Variants in GJA3 observed in about 807,000 individuals in gnomAD.
GJA3 encodes gap junction alpha-3 protein.
For missense variants in GJA3, 571 were observed against 620.3 expected, an observed-to-expected ratio of 0.92 and a Z score of 0.84; for synonymous variants, 297 against 292.6, an observed-to-expected ratio of 1.02 and a Z score of -0.15.
At chr13:20,149,853 T>TG (rs1476912912) in intron 1 of GJA3, among the ~76,000 whole-genome samples, 1 of 152,198 alleles carries the variant, frequency 6.6e-6, no homozygotes, top group Admixed American at 6.5e-5. Flanking sequence ...AATAAACACT[T>TG]GCAGGACAGA....
At chr13:20,149,923 T>C (rs1958866819) in intron 1 of GJA3, among the ~76,000 whole-genome samples, 1 of 152,080 alleles carries the variant, frequency 6.6e-6, no homozygotes, top group Non-Finnish European at 1.5e-5. Context: ...CTGGAAGTGC[T>C]CTTCACGAAT....
In GJA3 at chr13:20,142,197, G is replaced by A. The variant is rs1027325918; in HGVS notation, c.1092C>T (p.His364=). The part of the protein sequence containing the change: ...PVGSSSPPLA[H]EAEAGAAPLL... ...GGGGCGCCGCGCCCGCCTCAGCCTC[G>A]TGCGCGAGTGGCGGGGAGCTGCTGC... Residue 364 remains histidine, a synonymous_variant, in exon 2 of 2, where the codon CAC becomes CAT. Transcript: ENST00000241125. 7.2e-6 allele frequency: 11 copies of A among 1,519,924 alleles called. No individual in the cohort carries two copies. Among genetic ancestry groups the A allele is most frequent in the African/African-American group, 5.6e-5 (4 of 70,862 alleles). The allele number at this position is 1,519,924 out of a possible 1,614,324, so 94.2% of individuals were successfully genotyped here.
At chr13:20,144,195 C>G (rs1260487063) in intron 1 of GJA3, among the ~76,000 whole-genome samples, 1 of 152,220 alleles carries the variant, frequency 6.6e-6, no homozygotes, top group Admixed American at 6.5e-5. Context: ...CCTGAAATCA[C>G]CTCACCTGAC....
At position 20,141,093 on chromosome 13, in the gene GJA3, T is replaced by C. The variant is rs1958804164; in HGVS notation, c.*888A>G. On this transcript the variant is annotated 3_prime_UTR_variant, in exon 2 of 2. Coordinates refer to ENST00000241125, the MANE Select transcript of GJA3 (RefSeq NM_021954.4). ...GCATTAGGGCAAATTAGCACTGTCT[T>C]GGTCAGCAATCATTCTAACAGTATT... The C allele has an allele frequency of 6.6e-6, 1 of 152,254 alleles. No homozygotes were observed. The highest frequency in any genetic ancestry group is 1.5e-5 in the Non-Finnish European group (1 of 68,040). The allele number at this position is 152,254 out of a possible 1,614,324, so 9.4% of individuals were successfully genotyped here. A position where few individuals can be genotyped will look rare whatever the true frequency, so the allele number is the denominator to read the frequency against.
At chr13:20,161,357 G>T (rs1036602708), upstream of GJA3, among the ~76,000 whole-genome samples, 1 of 152,072 alleles carries the variant, frequency 6.6e-6, no homozygotes, top group Admixed American at 6.5e-5. Context: ...GAGGAGAGCC[G>T]AGGGCTGTTG....
chr13:20,148,038 A>G (rs1216532678), intron 1 of GJA3, among the ~76,000 whole-genome samples: 1 of 152,180 alleles, frequency 6.6e-6, no homozygotes, highest in Non-Finnish European at 1.5e-5. Flanking sequence ...TACACTTCAC[A>G]GTTTGGGTTT....
At chr13:20,161,285 G>A (rs1296972157), upstream of GJA3, among the ~76,000 whole-genome samples, 1 of 152,174 alleles carries the variant, frequency 6.6e-6, no homozygotes. Flanking sequence ...CCCTGGGGAT[G>A]TGGACGCGGG....
intron 1 of GJA3, among the ~76,000 whole-genome samples, chr13:20,151,534 G>T (rs1462983200): frequency 6.6e-6 from 1 of 152,164 alleles, no homozygotes; most frequent in African/African-American, 2.4e-5. Context: ...CGATACCCCG[G>T]AGAAGTGGAA....
At chr13:20,149,262 G>C (rs1958862366) in intron 1 of GJA3, among the ~76,000 whole-genome samples, 2 of 152,120 alleles carry the variant, frequency 1.3e-5, no homozygotes, top group South Asian at 4.1e-4. Flanking sequence ...GGGAGGCCAA[G>C]CAGGAGGATC....
At position 20,141,852 on chromosome 13, in the gene GJA3, C is replaced by T. The variant is rs1958808856; in HGVS notation, c.*129G>A. 2.2e-6 allele frequency: 3 copies of T among 1,366,318 alleles called. No homozygotes were observed. Among genetic ancestry groups the T allele is most frequent in the Non-Finnish European group, 2.0e-6 (2 of 1,001,388 alleles). The allele number at this position is 1,366,318 out of a possible 1,614,324, so 84.6% of individuals were successfully genotyped here. A position where few individuals can be genotyped will look rare whatever the true frequency, so the allele number is the denominator to read the frequency against. On this transcript the variant is annotated 3_prime_UTR_variant, in exon 2 of 2. Coordinates refer to ENST00000241125, the MANE Select transcript of GJA3 (RefSeq NM_021954.4). ...ACCTGATCTCTCCTCCATCGTCCAC[C>T]TCCTGGGACTCCAGTCGCTCCCACC... is the stretch of plus-strand genomic sequence containing the variant.
intron 1 of GJA3, among the ~76,000 whole-genome samples, chr13:20,155,554 A>C (rs1420985916): frequency 6.6e-6 from 1 of 152,024 alleles, no homozygotes; most frequent in Non-Finnish European, 1.5e-5. Flanking sequence ...TTGAAACGCT[A>C]TGGTGTTTGT....
intron 1 of GJA3, among the ~76,000 whole-genome samples, chr13:20,157,790 G>A (rs1034011469): frequency 6.6e-6 from 1 of 152,128 alleles, no homozygotes; most frequent in East Asian, 1.9e-4. Flanking sequence ...TGTCTCAAGG[G>A]GGGTATTTTT....
rs570249470 is a variant in GJA3 at position 20,145,006 on chromosome 13, C to T, written c.-17-1701G>A. ...GAATAGCCTGGCCCACATGGTGAAA[C>T]CTCATCTCTACTAATAATACATAAG... On this transcript the variant is annotated intron_variant, in intron 1 of 1. Transcript: ENST00000241125. Among the ~76,000 whole-genome samples, 199 of 152,230 alleles carry T rather than the reference C, an allele frequency of 1.3e-3. 1 individual carries two copies. The highest frequency in any genetic ancestry group is 4.2e-3 in the African/African-American group (175 of 41,532).
At chr13:20,144,206 C>T (rs532313020) in intron 1 of GJA3, among the ~76,000 whole-genome samples, 7 of 152,292 alleles carry the variant, frequency 4.6e-5, no homozygotes, top group South Asian at 2.1e-4. Context: ...CTCACCTGAC[C>T]GAATGCCCAC....
rs1207029755 is a variant in GJA3, at chr13:20,140,664, T to G, written c.*1317A>C. 3 of 152,184 alleles carry G rather than the reference T, an allele frequency of 2.0e-5. No homozygotes were observed. The highest frequency in any genetic ancestry group is 7.2e-5 in the African/African-American group (3 of 41,430). 9.4% of individuals were successfully genotyped at this position (152,184 alleles called of 1,614,324 possible). On this transcript the variant is annotated 3_prime_UTR_variant, in exon 2 of 2. Coordinates refer to ENST00000241125, the MANE Select transcript of GJA3 (RefSeq NM_021954.4). ...CCATGCCCACACACATAAATAGCCT[T>G]CCCTGTCAGGACAGCTCTGGTGTGG...
intron 1 of GJA3, among the ~76,000 whole-genome samples, chr13:20,149,282 C>A (rs1200054960): frequency 6.6e-6 from 1 of 151,980 alleles, no homozygotes; most frequent in Non-Finnish European, 1.5e-5. Context: ...CTCTTGAGCC[C>A]AGGAGTTCAG....
Position 20,142,057 on chromosome 13 carries a change from AG to A in GJA3, c.1231del (p.Leu411SerfsTer54). The A allele has an allele frequency of 6.5e-7, 1 of 1,549,894 alleles. No individual in the cohort carries two copies. The highest frequency in any genetic ancestry group is 8.7e-7 in the Non-Finnish European group (1 of 1,146,688). ...AAQMHQPPLP[L>X]GDPGRASKAS... ...CTTGCTGGCCCGACCTGGGTCTCCG[AG>A]GGGCAAGGGCGGCTGGTGCATCTGG... On this transcript the variant is annotated frameshift_variant, in exon 2 of 2. Coordinates refer to ENST00000241125, the MANE Select transcript of GJA3 (RefSeq NM_021954.4). LOFTEE classifies it high-confidence loss of function.
chr13:20,146,233 G>C (rs1402684091), intron 1 of GJA3, among the ~76,000 whole-genome samples: 3 of 152,152 alleles, frequency 2.0e-5, no homozygotes, highest in Non-Finnish European at 4.4e-5. Context: ...ATGAGGGAGG[G>C]GTCTGCTGCC....
Position 20,142,626 on chromosome 13 carries a change from C to T in GJA3, c.663G>A (p.Glu221=). Residue 221 remains glutamate, a synonymous_variant, in exon 2 of 2, where the codon GAG becomes GAA. Coordinates refer to ENST00000241125, the MANE Select transcript of GJA3 (RefSeq NM_021954.4). ...ACASLLLNML[E]IYHLGWKKLK... Reference sequence around the variant, plus strand: ...GCTTCTTCCAGCCCAGGTGGTAGATCTCCAGCATGTTGAGCAGCAGGGACG... The same window carrying T: ...GCTTCTTCCAGCCCAGGTGGTAGATTTCCAGCATGTTGAGCAGCAGGGACG... 1 of 1,613,314 alleles carries T rather than the reference C, an allele frequency of 6.2e-7. No homozygotes were observed. Among genetic ancestry groups the T allele is most frequent in the Non-Finnish European group, 8.5e-7 (1 of 1,179,872 alleles).
Sources: gnomAD v4.1 joint callset for allele counts (sites outside exome capture counted in the v4.1 genomes callset) on GRCh38, gnomAD v4.1.1 for gene constraint, MANE v1.5 for transcripts, NCBI Gene and HGNC (gene_info 2026-07-23, HGNC 2026-07-21) for gene names.